The following DOHH variants were observed in gnomAD, a reference collection of about 807,000 sequenced individuals.
The protein encoded by DOHH is HEAT-like (PBS lyase) repeat containing 1.
A neutral mutation model predicts 19.9 loss-of-function variants in DOHH; 16 were observed. The observed-to-expected ratio is 0.80, with a 90% CI of 0.54 to 1.22. DOHH has a LOEUF of 1.22. DOHH is among the 50% of genes most tolerant of loss of function. The pLI, the probability that DOHH is intolerant of heterozygous loss-of-function variation, is 0.00. For missense variants in DOHH, 460 were observed against 460.6 expected, an observed-to-expected ratio of 1.00 and a Z score of 0.01; for synonymous variants, 233 against 217.0, an observed-to-expected ratio of 1.07 and a Z score of -0.65.
At position 3,496,847 on chromosome 19, in the gene DOHH, C is replaced by T. The variant is rs1426299941; in HGVS notation, c.-33G>A. On this transcript the variant is annotated 5_prime_UTR_variant, in exon 2 of 5. Transcript: ENST00000427575. This position sits in a 1 kb window ranked among gnomAD's most constrained non-coding sequence, Gnocchi z 4.8. ...TCAATGGGTCCCGGCCTTCCACAAC[C>T]CTGCTCAGGCTAAACCTGGGGACGC... is the stretch of plus-strand genomic sequence containing the variant. 8.6e-6 allele frequency: 13 copies of T among 1,504,394 alleles called. No homozygotes were observed. Among genetic ancestry groups the T allele is most frequent in the Non-Finnish European group, 1.2e-5 (13 of 1,128,102 alleles). 93.2% of individuals were successfully genotyped at this position (1,504,394 alleles called of 1,614,324 possible).
At position 3,492,439 on chromosome 19, in the gene DOHH, C is replaced by T. The variant is rs113662396; in HGVS notation, c.412G>A (p.Glu138Lys). 7.4e-6 allele frequency: 11 copies of T among 1,483,942 alleles called. No homozygotes were observed. Among genetic ancestry groups the T allele is most frequent in the Non-Finnish European group, 9.8e-6 (11 of 1,123,506 alleles). The allele number at this position is 1,483,942 out of a possible 1,614,324, so 91.9% of individuals were successfully genotyped here. ...RLEWLQQHGG[E>K]PAAGPYLSVD... ...GAGAGGTAGGGTCCCGCCGCCGGCT[C>T]CCCGCCGTGCTGCTGCAGCCACTCC... Residue 138 changes from glutamate to lysine, a missense_variant, in exon 4 of 5, where the codon GAG becomes AAG. Glu to Lys is a moderately conservative substitution (Grantham distance 56, BLOSUM62 1). Coordinates refer to ENST00000427575, the MANE Select transcript of DOHH (RefSeq NM_001145165.2).
chr19:3,491,302 A>T lies in DOHH; in HGVS notation c.*190T>A. The T allele has an allele frequency of 3.1e-6, 2 of 636,264 alleles. No homozygotes were observed. Among genetic ancestry groups the T allele is most frequent in the Non-Finnish European group, 5.3e-6 (2 of 376,010 alleles). 39.4% of individuals were successfully genotyped at this position (636,264 alleles called of 1,614,324 possible). Reference sequence around the variant, plus strand: ...CTGCGCCAGGCCCCGAGGAGCAGTCAGGGGACTCAGGGAGTCACAGCACAA... The same window carrying T: ...CTGCGCCAGGCCCCGAGGAGCAGTCTGGGGACTCAGGGAGTCACAGCACAA... On this transcript the variant is annotated 3_prime_UTR_variant, in exon 5 of 5. Coordinates refer to ENST00000427575, the MANE Select transcript of DOHH (RefSeq NM_001145165.2). This position sits in a 1 kb window ranked among gnomAD's most constrained non-coding sequence, Gnocchi z 5.6.
chr19:3,492,181 G>C (rs769642814), intron 4 of DOHH, 81 bp downstream of exon 4: 3 of 1,265,136 alleles, frequency 2.4e-6, no homozygotes, highest in Non-Finnish European at 3.1e-6. Context: ...GGGGCAGGCC[G>C]CGGCCCCACT....
At chr19:3,500,263 A>G (rs2082940577) in intron 1 of DOHH, among the ~76,000 whole-genome samples, 1 of 152,128 alleles carries the variant, frequency 6.6e-6, no homozygotes, top group Non-Finnish European at 1.5e-5. Context: ...ATCAAAGGAG[A>G]GTGACACCTT....
chr19:3,498,602 T>C (rs1055484282), intron 1 of DOHH, among the ~76,000 whole-genome samples: 11 of 152,118 alleles, frequency 7.2e-5, no homozygotes, highest in Non-Finnish European at 1.5e-4. Context: ...ACAGGGTTTC[T>C]CCATGTTGGT....
At position 3,494,168 on chromosome 19, in the gene DOHH, C is replaced by G. The variant is rs967447982; in HGVS notation, c.275-64G>C. ...GGATGTGTGGAAAATGCCCGGCTAC[C>G]TCTGGGACCGGAGGACACCCCTCCC... On this transcript the variant is annotated intron_variant, in intron 2 of 4. Coordinates refer to ENST00000427575, the MANE Select transcript of DOHH (RefSeq NM_001145165.2). 3.4e-6 allele frequency: 5 copies of G among 1,472,668 alleles called. No homozygotes were observed. In the African/African-American group the frequency reaches 5.5e-5, roughly 16 times the overall value. The allele number at this position is 1,472,668 out of a possible 1,614,324, so 91.2% of individuals were successfully genotyped here.
rs935563909 is a variant in DOHH, at chr19:3,496,232, G to A, written c.274+309C>T. ...TTGCCATGTTGCCCAGGATGGTCTT[G>A]AACTCCTGAGTTCAAACGATCCACC... is the stretch of plus-strand genomic sequence containing the variant. On this transcript the variant is annotated intron_variant, in intron 2 of 4. Transcript: ENST00000427575. The surrounding 1 kb of genome is among the most constrained non-coding windows in gnomAD (Gnocchi z 4.8). Among the ~76,000 whole-genome samples, 5 of 152,068 alleles carry A rather than the reference G, an allele frequency of 3.3e-5. No homozygotes were observed. Among genetic ancestry groups the A allele is most frequent in the African/African-American group, 1.2e-4 (5 of 41,420 alleles).
rs2082867177 is a variant in DOHH at position 3,491,247 on chromosome 19, C to G, written c.*245G>C. Reference sequence around the variant, plus strand: ...CCCAGAGCCTCCCGCAGAGTCCCACCCCAAGCCTGGAAACTTCCACGCTAC... The same window carrying G: ...CCCAGAGCCTCCCGCAGAGTCCCACGCCAAGCCTGGAAACTTCCACGCTAC... On this transcript the variant is annotated 3_prime_UTR_variant, in exon 5 of 5. Coordinates refer to ENST00000427575, the MANE Select transcript of DOHH (RefSeq NM_001145165.2). This position sits in a 1 kb window ranked among gnomAD's most constrained non-coding sequence, Gnocchi z 5.6. 5.3e-6 allele frequency: 3 copies of G among 567,862 alleles called. No individual in the cohort carries two copies. The highest frequency in any genetic ancestry group is 9.2e-6 in the Non-Finnish European group (3 of 325,668). The allele number at this position is 567,862 out of a possible 1,614,324, so 35.2% of individuals were successfully genotyped here.
Position 3,492,246 on chromosome 19 carries a change from A to ACCCTCCTCACCCTC in DOHH, c.589+15_589+16insGAGGGTGAGGAGGG. On this transcript the variant is annotated intron_variant, in intron 4 of 4. Coordinates refer to ENST00000427575, the MANE Select transcript of DOHH (RefSeq NM_001145165.2). Reference sequence around the variant, plus strand: ...GAGGCACTGCCCAGGACCCCACCCCAGAAGCCCCTCCTCACCCTCGGCCAG... The same window carrying ACCCTCCTCACCCTC: ...GAGGCACTGCCCAGGACCCCACCCCACCCTCCTCACCCTCGAAGCCCCTCCTCACCCTCGGCCAG... 1 of 1,451,924 alleles carries ACCCTCCTCACCCTC rather than the reference A, an allele frequency of 6.9e-7. No individual in the cohort carries two copies. Among genetic ancestry groups the ACCCTCCTCACCCTC allele is most frequent in the Non-Finnish European group, 9.0e-7 (1 of 1,112,230 alleles). The allele number at this position is 1,451,924 out of a possible 1,614,324, so 89.9% of individuals were successfully genotyped here.
chr19:3,491,849 G>A lies in DOHH; in HGVS notation c.590-38C>T. ...GGGACACTCGCTGGGGCCAGGAGGG[G>A]TGGGAAGGGGAGCTCTGTCTTTTCG... On this transcript the variant is annotated intron_variant, in intron 4 of 4. Coordinates refer to ENST00000427575, the MANE Select transcript of DOHH (RefSeq NM_001145165.2). This position sits in a 1 kb window ranked among gnomAD's most constrained non-coding sequence, Gnocchi z 5.6. The A allele has an allele frequency of 7.1e-7, 1 of 1,413,372 alleles. No individual in the cohort carries two copies. The highest frequency in any genetic ancestry group is 9.2e-7 in the Non-Finnish European group (1 of 1,083,776). The allele number at this position is 1,413,372 out of a possible 1,614,324, so 87.6% of individuals were successfully genotyped here.
At chr19:3,498,860 C>A (rs1322902762) in intron 1 of DOHH, among the ~76,000 whole-genome samples, 2 of 152,132 alleles carry the variant, frequency 1.3e-5, no homozygotes, top group Non-Finnish European at 2.9e-5. Context: ...AGGGTGATCA[C>A]CCCAGCACCT....
rs2082890576 is a variant in DOHH at position 3,494,114 on chromosome 19, A to G, written c.275-10T>C. 1 of 1,612,168 alleles carries G rather than the reference A, an allele frequency of 6.2e-7. No individual in the cohort carries two copies. The highest frequency in any genetic ancestry group is 8.5e-7 in the Non-Finnish European group (1 of 1,178,606). On this transcript the variant is annotated splice_polypyrimidine_tract_variant and intron_variant, in intron 2 of 4. Transcript: ENST00000427575. The stretch of plus-strand genomic sequence containing the variant: ...GCCCCCAGGGCCTCCCCTGGGAAGA[A>G]GCAGCCGGAGAGCTCATGTTGGTGG...
At chr19:3,498,496 C>T (rs374999779) in intron 1 of DOHH, among the ~76,000 whole-genome samples, 1 of 152,040 alleles carries the variant, frequency 6.6e-6, no homozygotes, top group Non-Finnish European at 1.5e-5. Flanking sequence ...ACCTATGCTT[C>T]CAGGGTTCAA....
chr19:3,498,036 T>G (rs2082922928), intron 1 of DOHH, among the ~76,000 whole-genome samples: 1 of 152,190 alleles, frequency 6.6e-6, no homozygotes, highest in African/African-American at 2.4e-5. Context: ...CTATGCCTCC[T>G]CACTCAACTA....
At position 3,494,074 on chromosome 19, in the gene DOHH, TC is replaced by T. The variant is rs2082890188; in HGVS notation, c.304del (p.Glu102LysfsTer6). On this transcript the variant is annotated frameshift_variant, in exon 3 of 5. Coordinates refer to ENST00000427575, the MANE Select transcript of DOHH (RefSeq NM_001145165.2). LOFTEE classifies it high-confidence loss of function. ...ATACTGCTTCAGGATCTCCAGAACT[TC>T]CGGGTCCCCGATGGCCCCCAGGGCC... ...GEALGAIGDP[E>X]VLEILKQYSS... 2 of 1,613,718 alleles carry T rather than the reference TC, an allele frequency of 1.2e-6. No homozygotes were observed. The highest frequency in any genetic ancestry group is 4.5e-5 in the East Asian group (2 of 44,852).
chr19:3,499,406 A>G (rs2082932722), intron 1 of DOHH, among the ~76,000 whole-genome samples: 1 of 152,214 alleles, frequency 6.6e-6, no homozygotes, highest in Non-Finnish European at 1.5e-5. Flanking sequence ...GAAGGCTGGG[A>G]CTGAGTCTAT....
At chr19:3,497,403 T>C in intron 1 of DOHH, among the ~76,000 whole-genome samples, 1 of 152,158 alleles carries the variant, frequency 6.6e-6, no homozygotes, top group Non-Finnish European at 1.5e-5. Context: ...CAGTCTTTTG[T>C]AGGGGCCCAC....
chr19:3,494,512 A>C (rs2082894465), intron 2 of DOHH, among the ~76,000 whole-genome samples: 1 of 152,214 alleles, frequency 6.6e-6, no homozygotes, highest in Non-Finnish European at 1.5e-5. Flanking sequence ...GTCTCAAAAA[A>C]ACAAACAAAA....
chr19:3,497,597 G>A (rs1317642817), intron 1 of DOHH, among the ~76,000 whole-genome samples: 1 of 152,148 alleles, frequency 6.6e-6, no homozygotes, highest in African/African-American at 2.4e-5. Context: ...GTGCGACACT[G>A]TTTACTGTTG....
Sources: allele counts gnomAD v4.1 joint callset (sites outside exome capture counted in the v4.1 genomes callset), GRCh38; gene constraint gnomAD v4.1.1; non-coding constraint Gnocchi (gnomAD v3.1); transcripts MANE v1.5; gene names NCBI Gene and HGNC (gene_info 2026-07-23, HGNC 2026-07-21).